Variants in BCR observed in about 807,000 individuals in gnomAD.
BCR encodes the protein BCR activator of RhoGEF and GTPase.
BCR carries 58 observed loss-of-function variants against 138.6 expected under a neutral mutation model. That is an observed-to-expected ratio of 0.42 (90% CI 0.34 to 0.52). BCR has a LOEUF of 0.52. BCR is among the 20% of genes least tolerant of loss of function. The pLI is 0.06. For missense variants in BCR, 1,599 were observed against 1,727.2 expected (o/e 0.93, Z 1.32); for synonymous variants, 786 against 730.1 (o/e 1.08, Z -1.23).
intron 2 of BCR, among the ~76,000 whole-genome samples, chr22:23,258,373 G>A (rs1463683433): frequency 6.6e-6 from 1 of 152,206 alleles, no homozygotes; most frequent in African/African-American, 2.4e-5. Context: ...GGAGGCTCAG[G>A]GCCGGAGGGC....
At chr22:23,270,915 A>G (rs2073502602) in intron 5 of BCR, among the ~76,000 whole-genome samples, 1 of 152,240 alleles carries the variant, frequency 6.6e-6, no homozygotes, top group Admixed American at 6.5e-5. Flanking sequence ...TAGTAAGTAC[A>G]CTTGCAGATC....
chr22:23,305,416 G>T (rs1490178207), intron 16 of BCR, among the ~76,000 whole-genome samples: 1 of 152,318 alleles, frequency 6.6e-6, no homozygotes. Context: ...CCCCCTCCCT[G>T]CCCCTGCTGA....
chr22:23,183,344 T>G (rs929113291), intron 1 of BCR, among the ~76,000 whole-genome samples: 22 of 151,630 alleles, frequency 1.5e-4, no homozygotes, highest in African/African-American at 5.1e-4. Flanking sequence ...ATGGAGGAGT[T>G]GAATGTGCTT....
Position 23,314,035 on chromosome 22 carries a change from C to T in BCR, c.3525C>T (p.Asn1175=), listed in dbSNP as rs1235462585. ...TGCTGCTGTCCCTGCCGGAGGCCAA[C>T]CTGCTCACCTTCCTTTTCCTTCTGG... ...LNLLLSLPEA[N]LLTFLFLLDH... The change falls in exon 21 of 23, where the codon AAC becomes AAT. Residue 1175 remains asparagine, a synonymous_variant. Coordinates refer to ENST00000305877, the MANE Select transcript of BCR (RefSeq NM_004327.4). The T allele has an allele frequency of 1.9e-6, 3 of 1,613,898 alleles. No individual in the cohort carries two copies. Among genetic ancestry groups the T allele is most frequent in the Non-Finnish European group, 1.7e-6 (2 of 1,180,014 alleles).
intron 1 of BCR, among the ~76,000 whole-genome samples, chr22:23,219,000 G>A (rs180796283): frequency 1.6e-3 from 206 of 127,274 alleles, no homozygotes; most frequent in Non-Finnish European, 2.7e-3. Flanking sequence ...CTGATCCCTC[G>A]TTATGGAGCT....
intron 1 of BCR, among the ~76,000 whole-genome samples, chr22:23,232,744 C>G (rs1458181267): frequency 6.6e-6 from 1 of 152,202 alleles, no homozygotes; most frequent in Non-Finnish European, 1.5e-5. Context: ...ATGGCAGGAT[C>G]AGAGAGATGG....
intron 1 of BCR, among the ~76,000 whole-genome samples, chr22:23,244,325 C>T (rs758515485): frequency 6.6e-6 from 1 of 152,170 alleles, no homozygotes; most frequent in Admixed American, 6.5e-5. Context: ...AAGACTCTTT[C>T]CAGGTAAGGT....
At chr22:23,206,576 C>CAAAAA (rs559810867) in intron 1 of BCR, among the ~76,000 whole-genome samples, 1 of 89,720 alleles carries the variant, frequency 1.1e-5, no homozygotes, top group African/African-American at 3.8e-5. Flanking sequence ...GACTCCGTCT[C>CAAAAA]AAAAAAAAAA....
At chr22:23,255,696 C>T (rs1260925352) in intron 2 of BCR, among the ~76,000 whole-genome samples, 4 of 152,228 alleles carry the variant, frequency 2.6e-5, no homozygotes, top group African/African-American at 9.6e-5. Context: ...CCACCCACAC[C>T]TGGCTCTGAC....
At chr22:23,201,031 G>C (rs1024876365) in intron 1 of BCR, among the ~76,000 whole-genome samples, 2 of 152,228 alleles carry the variant, frequency 1.3e-5, no homozygotes, top group African/African-American at 4.8e-5. Flanking sequence ...CCTAGTGCTT[G>C]GTGCTGCTAA....
At chr22:23,270,854 A>G (rs1243521035) in intron 5 of BCR, among the ~76,000 whole-genome samples, 1 of 152,248 alleles carries the variant, frequency 6.6e-6, no homozygotes, top group Non-Finnish European at 1.5e-5. Context: ...AGCCTAGGCT[A>G]TTCACTTACA....
chr22:23,225,501 C>T (rs900989067), intron 1 of BCR, among the ~76,000 whole-genome samples: 3 of 152,164 alleles, frequency 2.0e-5, no homozygotes, highest in Admixed American at 1.3e-4. Flanking sequence ...AGGATGTGGC[C>T]CAAGCTCAGT....
chr22:23,295,304 G>A, intron 16 of BCR, 149 bp downstream of exon 16: 1 of 1,030,992 alleles, frequency 9.7e-7, no homozygotes, highest in Non-Finnish European at 1.4e-6. Context: ...TGGGAGACCT[G>A]AGCCGGTGCC....
intron 1 of BCR, among the ~76,000 whole-genome samples, chr22:23,212,186 C>A (rs2072693445): frequency 6.6e-6 from 1 of 152,128 alleles, no homozygotes; most frequent in South Asian, 2.1e-4. Context: ...GGGAAGCGGG[C>A]TGGAGAGAGG....
intron 4 of BCR, among the ~76,000 whole-genome samples, chr22:23,268,143 A>AAT (rs1004724064): frequency 1.3e-4 from 20 of 152,126 alleles, no homozygotes; most frequent in Admixed American, 9.8e-4. Flanking sequence ...GGGTGGGAGG[A>AAT]ATAAGTAGCT....
At chr22:23,231,616 G>C (rs1284646243) in intron 1 of BCR, among the ~76,000 whole-genome samples, 1 of 152,244 alleles carries the variant, frequency 6.6e-6, no homozygotes, top group Admixed American at 6.5e-5. Flanking sequence ...CTTGGGCCAT[G>C]CCTGAGCTGG....
intron 1 of BCR, 82 bp from the exon 2 acceptor site, chr22:23,253,717 C>A: frequency 6.7e-7 from 1 of 1,501,446 alleles, no homozygotes; most frequent in Non-Finnish European, 9.1e-7. Context: ...GAGATGGTGT[C>A]AGCTGGGTGC....
intron 4 of BCR, among the ~76,000 whole-genome samples, chr22:23,262,356 T>C (rs1444642690): frequency 6.6e-6 from 1 of 152,024 alleles, no homozygotes; most frequent in Non-Finnish European, 1.5e-5. Context: ...CTCTGAGGTG[T>C]GGCTTTCCTG....
intron 1 of BCR, among the ~76,000 whole-genome samples, chr22:23,234,355 C>T (rs138712572): frequency 9.9e-5 from 15 of 152,260 alleles, no homozygotes; most frequent in Non-Finnish European, 1.6e-4. Flanking sequence ...TGGCCCCATG[C>T]GTTGAATAAG....
Sources: gnomAD v4.1 joint callset for allele counts (sites outside exome capture counted in the v4.1 genomes callset) on GRCh38, gnomAD v4.1.1 for gene constraint, MANE v1.5 for transcripts, NCBI Gene and HGNC (gene_info 2026-07-23, HGNC 2026-07-21) for gene names.